The following DGLUCY variants were observed in gnomAD, a reference collection of about 807,000 sequenced individuals.
DGLUCY encodes the protein D-glutamate cyclase, mitochondrial.
Under a neutral mutation model 58.5 loss-of-function variants are expected in DGLUCY, and 58 were observed. That is an observed-to-expected ratio of 0.99 (90% CI 0.80 to 1.23). The LOEUF is 1.23. DGLUCY is among the 50% of genes most tolerant of loss of function. The pLI is 0.00. For missense variants in DGLUCY, 779 were observed against 784.7 expected (o/e 0.99, Z 0.09); for synonymous variants, 325 against 314.1 (o/e 1.03, Z -0.37).
intron 1 of DGLUCY, among the ~76,000 whole-genome samples, chr14:91,154,352 A>G (rs2047494863): frequency 1.3e-5 from 2 of 152,160 alleles, no homozygotes; most frequent in Admixed American, 6.5e-5. Flanking sequence ...GTGAATCTAC[A>G]TTTTTACATA....
At chr14:91,211,672 T>G (rs980200966) in intron 12 of DGLUCY, among the ~76,000 whole-genome samples, 1 of 152,218 alleles carries the variant, frequency 6.6e-6, no homozygotes, top group Non-Finnish European at 1.5e-5. Context: ...GTTACATCCT[T>G]TACAATAATA....
intron 1 of DGLUCY, among the ~76,000 whole-genome samples, chr14:91,093,940 G>T (rs951760730): frequency 2.0e-5 from 3 of 152,114 alleles, no homozygotes; most frequent in African/African-American, 7.2e-5. Context: ...ATCAGTGGTT[G>T]CAGGGACTGG....
intron 8 of DGLUCY, chr14:91,185,334 G>A (rs1319060747): frequency 2.3e-5 from 3 of 131,438 alleles, no homozygotes; most frequent in African/African-American, 5.7e-5. Flanking sequence ...CCAGGCTGGA[G>A]TACAGTGATG....
intron 13 of DGLUCY, among the ~76,000 whole-genome samples, chr14:91,223,172 G>T (rs1375094472): frequency 6.6e-6 from 1 of 152,206 alleles, no homozygotes; most frequent in African/African-American, 2.4e-5. Context: ...TGGGTTGGGT[G>T]CCCCTGCTCT....
intron 1 of DGLUCY, among the ~76,000 whole-genome samples, chr14:91,129,998 T>C (rs137948949): frequency 1.3e-5 from 2 of 152,354 alleles, no homozygotes; most frequent in East Asian, 3.9e-4. Flanking sequence ...AGCTGTAGTT[T>C]ATTTTTCACC....
chr14:91,195,101 C>T (rs1209008400), intron 9 of DGLUCY, among the ~76,000 whole-genome samples: 1 of 152,176 alleles, frequency 6.6e-6, no homozygotes, highest in East Asian at 1.9e-4. Context: ...CTGGCTGAAG[C>T]TCCTCCAAGG....
At chr14:91,062,567 A>G (rs1412135635) in intron 1 of DGLUCY, among the ~76,000 whole-genome samples, 1 of 5,228 alleles carries the variant, frequency 1.9e-4, no homozygotes, top group African/African-American at 9.1e-4. Flanking sequence ...AAATATATAT[A>G]TATATATATA....
intron 1 of DGLUCY, among the ~76,000 whole-genome samples, chr14:91,074,843 C>T (rs1468902368): frequency 6.6e-6 from 1 of 152,140 alleles, no homozygotes; most frequent in Non-Finnish European, 1.5e-5. Context: ...GAGGCTGAGG[C>T]TGGCAGATCA....
At chr14:91,068,122 G>A (rs866543745) in intron 1 of DGLUCY, among the ~76,000 whole-genome samples, 53 of 120,654 alleles carry the variant, frequency 4.4e-4, no homozygotes, top group Middle Eastern at 4.4e-3. Flanking sequence ...CACACCCCTT[G>A]CATTCACAGA....
chr14:91,077,321 GGA>G (rs939451048), intron 1 of DGLUCY, among the ~76,000 whole-genome samples: 5 of 148,440 alleles, frequency 3.4e-5, no homozygotes, highest in African/African-American at 9.9e-5. Flanking sequence ...GAGGAAGGAA[GGA>G]GAGAGAGAGG....
At chr14:91,202,736 C>T (rs1450181415) in intron 11 of DGLUCY, among the ~76,000 whole-genome samples, 1 of 152,226 alleles carries the variant, frequency 6.6e-6, no homozygotes, top group Non-Finnish European at 1.5e-5. Context: ...TCCTCCCACA[C>T]CCGCAATGGG....
chr14:91,085,190 C>G (rs1164749872), intron 1 of DGLUCY, among the ~76,000 whole-genome samples: 2 of 147,420 alleles, frequency 1.4e-5, no homozygotes, highest in Admixed American at 6.9e-5. Flanking sequence ...CCACTGTACT[C>G]TAGCCTGGGT....
At chr14:91,151,299 G>T (rs900586433) in intron 1 of DGLUCY, among the ~76,000 whole-genome samples, 1 of 152,168 alleles carries the variant, frequency 6.6e-6, no homozygotes, top group African/African-American at 2.4e-5. Flanking sequence ...GTGTGCAGTG[G>T]CGTGATCTCG....
chr14:91,099,959 C>A (rs543917016), intron 1 of DGLUCY, among the ~76,000 whole-genome samples: 13 of 148,784 alleles, frequency 8.7e-5, no homozygotes, highest in African/African-American at 3.2e-4. Context: ...AAAGCTGAGG[C>A]GGGAGAATTG....
In DGLUCY at chr14:91,199,811, C is replaced by G; in HGVS notation, c.1350C>G (p.Tyr450Ter). 1 of 1,614,190 alleles carries G rather than the reference C, an allele frequency of 6.2e-7. No individual in the cohort carries two copies. The highest frequency in any genetic ancestry group is 8.5e-7 in the Non-Finnish European group (1 of 1,180,040). Residue 450 changes from tyrosine (Y) to a stop codon, truncating the protein, a stop_gained, in exon 11 of 14, where the codon TAC becomes TAG. Coordinates refer to ENST00000256324, the MANE Select transcript of DGLUCY (RefSeq NM_001102368.3). LOFTEE classifies it high-confidence loss of function. ...ERAGRAADGN[Y>*]YNARKMNIKH... ...CCGGAAGAGCTGCTGATGGCAATTA[C>G]TACAATGCAAGGAAGATGAACATCA...
intron 5 of DGLUCY, among the ~76,000 whole-genome samples, chr14:91,172,244 G>T (rs1191832992): frequency 6.6e-6 from 1 of 151,666 alleles, no homozygotes; most frequent in Admixed American, 6.6e-5. Context: ...CTAATTTATG[G>T]TTTTGGTTTT....
chr14:91,084,829 G>A (rs1054287885), intron 1 of DGLUCY, among the ~76,000 whole-genome samples: 7 of 152,174 alleles, frequency 4.6e-5, no homozygotes, highest in African/African-American at 1.4e-4. Flanking sequence ...CTGCACTTCC[G>A]TTTTGTACTC....
At chr14:91,130,459 C>T (rs551045252) in intron 1 of DGLUCY, among the ~76,000 whole-genome samples, 18 of 152,008 alleles carry the variant, frequency 1.2e-4, no homozygotes, top group African/African-American at 3.9e-4. Context: ...AGGCACAAGC[C>T]GCCATGCCCA....
intron 1 of DGLUCY, among the ~76,000 whole-genome samples, chr14:91,078,938 C>T (rs2044077279): frequency 6.7e-6 from 1 of 149,514 alleles, no homozygotes; most frequent in African/African-American, 2.5e-5. Context: ...GAATCTCACT[C>T]GGTCACCCAG....
Sources: allele counts gnomAD v4.1 joint callset (sites outside exome capture counted in the v4.1 genomes callset), GRCh38; gene constraint gnomAD v4.1.1; transcripts MANE v1.5; gene names NCBI Gene and HGNC (gene_info 2026-07-23, HGNC 2026-07-21).